The following SLC22A9 variants were observed in gnomAD, a reference collection of about 807,000 sequenced individuals.
The protein encoded by SLC22A9 is organic anion transporter 7.
Under a neutral mutation model 50.1 loss-of-function variants are expected in SLC22A9, and 64 were observed. That is an observed-to-expected ratio of 1.28 (90% CI 1.04 to 1.57). The LOEUF is 1.57. Among genes scored for constraint, SLC22A9 ranks in the 40% most tolerant of loss-of-function variants. SLC22A9 has a pLI of 0.00. For synonymous variants in SLC22A9, 261 were observed against 242.5 expected (o/e 1.08, Z -0.71); for missense variants, 757 against 676.1 (o/e 1.12, Z -1.33).
chr11:63,370,843 G>C (rs2014342470), intron 1 of SLC22A9, among the ~76,000 whole-genome samples: 1 of 152,142 alleles, frequency 6.6e-6, no homozygotes, highest in Admixed American at 6.5e-5. Flanking sequence ...GTCTAAGAGG[G>C]AAATTTAGGT....
At chr11:63,387,578 C>A (rs597483) in intron 6 of SLC22A9, among the ~76,000 whole-genome samples, 1 of 151,882 alleles carries the variant, frequency 6.6e-6, no homozygotes, top group Non-Finnish European at 1.5e-5. Context: ...TTTGAAGTCA[C>A]GTAATGTGGT....
chr11:63,391,923 G>C (rs1380419535), intron 6 of SLC22A9, among the ~76,000 whole-genome samples: 1 of 151,938 alleles, frequency 6.6e-6, no homozygotes, highest in Non-Finnish European at 1.5e-5. Flanking sequence ...AGGTGAAGAT[G>C]ACTGTCATTG....
intron 6 of SLC22A9, among the ~76,000 whole-genome samples, chr11:63,404,516 G>A (rs2015004263): frequency 6.6e-6 from 1 of 152,096 alleles, no homozygotes; most frequent in Non-Finnish European, 1.5e-5. Context: ...CTCATCTTAT[G>A]TATTTTTATC....
intron 6 of SLC22A9, among the ~76,000 whole-genome samples, chr11:63,398,142 C>T (rs768404608): frequency 2.6e-5 from 4 of 152,172 alleles, no homozygotes; most frequent in South Asian, 2.1e-4. Flanking sequence ...CAAGGCAGTA[C>T]GTTTCCTTCT....
intron 6 of SLC22A9, among the ~76,000 whole-genome samples, chr11:63,384,174 A>T (rs937527166): frequency 9.2e-5 from 14 of 152,214 alleles, no homozygotes; most frequent in Non-Finnish European, 1.6e-4. Context: ...CATGTACAGG[A>T]TGTGCAGGTT....
rs754243382 is a variant in SLC22A9 at position 63,382,235 on chromosome 11, T to A, written c.1031T>A (p.Met344Lys). The change falls in exon 6 of 10, where the codon ATG (methionine) becomes AAG (lysine). Residue 344 changes from methionine to lysine, a missense_variant. Coordinates refer to ENST00000279178, the MANE Select transcript of SLC22A9 (RefSeq NM_080866.3). ...KKPSLCEMLH[M>K]PNICKRISLL... ...CCTTCTCTGTGTGAAATGCTCCACA[T>A]GCCCAACATATGTAAAAGGATCTCC... is the stretch of plus-strand genomic sequence containing the variant. 6.2e-7 allele frequency: 1 copy of A among 1,609,664 alleles called. No individual in the cohort carries two copies. Among genetic ancestry groups the A allele is most frequent in the African/African-American group, 1.3e-5 (1 of 74,642 alleles).
chr11:63,391,975 T>G (rs2014771665), intron 6 of SLC22A9, among the ~76,000 whole-genome samples: 1 of 152,084 alleles, frequency 6.6e-6, no homozygotes, highest in Admixed American at 6.6e-5. Flanking sequence ...TTTGTGTACC[T>G]GTTGCATGTT....
Position 63,408,892 on chromosome 11 carries a change from C to T in SLC22A9, c.1601+13C>T. ...ATGAGAAAAATGAGTGAGTAAATAG[C>T]CCGGTTGCCCCTCAGAGGATCTGTG... On this transcript the variant is annotated intron_variant, in intron 9 of 9. Transcript: ENST00000279178. 6.2e-7 allele frequency: 1 copy of T among 1,613,304 alleles called. No individual in the cohort carries two copies. The highest frequency in any genetic ancestry group is 8.5e-7 in the Non-Finnish European group (1 of 1,179,422).
At chr11:63,390,065 C>G (rs913215898) in intron 6 of SLC22A9, among the ~76,000 whole-genome samples, 2 of 152,052 alleles carry the variant, frequency 1.3e-5, no homozygotes, top group African/African-American at 4.8e-5. Context: ...CTTGTACATT[C>G]TGGATATTAG....
At chr11:63,376,036 T>C (rs189158895) in intron 5 of SLC22A9, among the ~76,000 whole-genome samples, 3 of 152,262 alleles carry the variant, frequency 2.0e-5, no homozygotes, top group African/African-American at 7.2e-5. Context: ...AGATTTTGCA[T>C]TGAACTCATT....
At chr11:63,401,526 C>T (rs1041737428) in intron 6 of SLC22A9, among the ~76,000 whole-genome samples, 1 of 152,124 alleles carries the variant, frequency 6.6e-6, no homozygotes, top group Non-Finnish European at 1.5e-5. Context: ...TTAGAAGAAC[C>T]AATATTGTTA....
chr11:63,385,782 T>A (rs1555014263), intron 6 of SLC22A9, among the ~76,000 whole-genome samples: 1 of 152,118 alleles, frequency 6.6e-6, no homozygotes, highest in Non-Finnish European at 1.5e-5. Flanking sequence ...AAATACCCTT[T>A]ATTTCTTTCT....
chr11:63,409,785 C>T lies in SLC22A9; in HGVS notation c.1602-17C>T. 1.2e-6 allele frequency: 2 copies of T among 1,612,148 alleles called. No homozygotes were observed. The highest frequency in any genetic ancestry group is 1.7e-5 in the Admixed American group (1 of 59,710). ...CATTTTTGTGATTTTTTGTTGGTTT[C>T]TTTGTATTTGTTCTAGGAGAAAAGA... On this transcript the variant is annotated splice_polypyrimidine_tract_variant and intron_variant, in intron 9 of 9. Transcript: ENST00000279178.
chr11:63,397,237 T>G (rs771786006), intron 6 of SLC22A9, among the ~76,000 whole-genome samples: 22 of 152,184 alleles, frequency 1.4e-4, no homozygotes, highest in Admixed American at 5.2e-4. Context: ...AAATGGGCAT[T>G]TTGTCTCTAT....
chr11:63,405,521 A>G (rs1459880044), intron 6 of SLC22A9, among the ~76,000 whole-genome samples: 1 of 152,222 alleles, frequency 6.6e-6, no homozygotes, highest in Admixed American at 6.5e-5. Flanking sequence ...AACCATCACG[A>G]GGTTATATGC....
At chr11:63,374,119 G>T (rs979805780) in intron 4 of SLC22A9, 57 bp downstream of exon 4, 77 of 1,479,204 alleles carry the variant, frequency 5.2e-5, no homozygotes, top group Non-Finnish European at 6.6e-5. Flanking sequence ...AATGTATGTG[G>T]AACTAGGACA....
chr11:63,383,760 G>A (rs2014608753), intron 6 of SLC22A9, among the ~76,000 whole-genome samples: 1 of 152,062 alleles, frequency 6.6e-6, no homozygotes, highest in African/African-American at 2.4e-5. Flanking sequence ...AGATAAAAAT[G>A]GATGAACAGG....
At chr11:63,393,407 A>G (rs1257337601) in intron 6 of SLC22A9, among the ~76,000 whole-genome samples, 1 of 152,136 alleles carries the variant, frequency 6.6e-6, no homozygotes, top group East Asian at 1.9e-4. Flanking sequence ...TAGTGTTTTC[A>G]AGGTAAACAA....
intron 7 of SLC22A9, among the ~76,000 whole-genome samples, chr11:63,407,479 C>T (rs2015060014): frequency 3.3e-5 from 5 of 152,164 alleles, no homozygotes; most frequent in Admixed American, 1.3e-4. Context: ...ACAGCACCCT[C>T]CAATGTCATG....
Sources: gnomAD v4.1 joint callset for allele counts (sites outside exome capture counted in the v4.1 genomes callset) on GRCh38, gnomAD v4.1.1 for gene constraint, MANE v1.5 for transcripts, NCBI Gene and HGNC (gene_info 2026-07-23, HGNC 2026-07-21) for gene names.